The following TMEM117 variants were observed in gnomAD, a reference collection of about 807,000 sequenced individuals.
TMEM117 encodes the protein transmembrane protein 117.
Under a neutral mutation model 52.4 loss-of-function variants are expected in TMEM117, and 27 were observed. The observed-to-expected ratio is 0.51, with a 90% CI of 0.38 to 0.71. TMEM117 has a LOEUF of 0.71. Ranked by LOEUF, TMEM117 falls within the 30% of genes least tolerant of loss-of-function variation. The pLI is 0.00. For synonymous variants in TMEM117, 215 were observed against 206.3 expected (o/e 1.04, Z -0.36); for missense variants, 556 against 630.5 (o/e 0.88, Z 1.26).
chr12:43,887,228 T>G (rs1449693745), intron 2 of TMEM117, among the ~76,000 whole-genome samples: 1 of 152,196 alleles, frequency 6.6e-6, no homozygotes, highest in African/African-American at 2.4e-5. Context: ...GCAGAAGTAC[T>G]GCCTGGGACA....
chr12:43,801,305 T>C, the TMEM117 span, among the ~76,000 whole-genome samples: 3 of 152,194 alleles, frequency 2.0e-5, no homozygotes, highest in Admixed American at 6.5e-5. Flanking sequence ...CTAGTATCTA[T>C]GGAAAGCTAC....
chr12:43,890,832 A>G (rs1043591227), intron 2 of TMEM117, among the ~76,000 whole-genome samples: 1 of 152,134 alleles, frequency 6.6e-6, no homozygotes, highest in African/African-American at 2.4e-5. Context: ...GCCCAGCCCC[A>G]AGGGATATTT....
chr12:44,201,826 A>G (rs1949499428), intron 4 of TMEM117, among the ~76,000 whole-genome samples: 1 of 152,190 alleles, frequency 6.6e-6, no homozygotes, highest in Admixed American at 6.5e-5. Context: ...GAAATACATA[A>G]CACCCAATTA....
intron 3 of TMEM117, among the ~76,000 whole-genome samples, chr12:44,092,562 A>C (rs1310533734): frequency 6.6e-6 from 1 of 152,034 alleles, no homozygotes; most frequent in Admixed American, 6.6e-5. Flanking sequence ...AAATAACAAC[A>C]CCTCTCGCCC....
chr12:44,266,567 G>A (rs1234026513), intron 5 of TMEM117, among the ~76,000 whole-genome samples: 2 of 151,984 alleles, frequency 1.3e-5, no homozygotes, highest in African/African-American at 4.8e-5. Context: ...CCTAGTTTGT[G>A]GCTTGCATTT....
At chr12:44,116,336 G>T (rs1269924194) in intron 3 of TMEM117, among the ~76,000 whole-genome samples, 1 of 151,850 alleles carries the variant, frequency 6.6e-6, no homozygotes, top group East Asian at 1.9e-4. Flanking sequence ...GGTTTCCCTG[G>T]GATTATGACC....
intron 6 of TMEM117, among the ~76,000 whole-genome samples, chr12:44,373,479 G>A (rs1165574397): frequency 1.3e-5 from 2 of 152,146 alleles, no homozygotes; most frequent in African/African-American, 4.8e-5. Flanking sequence ...TGACCCTCCT[G>A]GAAACATACC....
intron 2 of TMEM117, among the ~76,000 whole-genome samples, chr12:43,939,009 A>AT (rs1303123039): frequency 2.0e-5 from 3 of 152,062 alleles, no homozygotes; most frequent in African/African-American, 4.8e-5. Flanking sequence ...CAAAATAAAA[A>AT]AAAAAATAAA....
the TMEM117 span, among the ~76,000 whole-genome samples, chr12:43,809,153 A>G: frequency 6.6e-6 from 1 of 152,226 alleles, no homozygotes; most frequent in Non-Finnish European, 1.5e-5. Context: ...CATTAATGTG[A>G]GCAGTATACA....
intron 1 of TMEM117, among the ~76,000 whole-genome samples, chr12:43,838,537 G>GTTT (rs780135058): frequency 7.5e-5 from 7 of 93,338 alleles, no homozygotes; most frequent in Non-Finnish European, 1.5e-4. Context: ...GAGTCTTCCA[G>GTTT]TTTTTTTTTT....
At chr12:44,147,636 C>T (rs1948662414) in intron 4 of TMEM117, among the ~76,000 whole-genome samples, 1 of 151,856 alleles carries the variant, frequency 6.6e-6, no homozygotes, top group Non-Finnish European at 1.5e-5. Flanking sequence ...TGAGCCATGA[C>T]CTAAGAAGAC....
intron 3 of TMEM117, among the ~76,000 whole-genome samples, chr12:44,026,546 G>A (rs1946535594): frequency 6.6e-6 from 1 of 152,042 alleles, no homozygotes. Context: ...AACACTGTAG[G>A]TTTTTTTGTA....
intron 3 of TMEM117, among the ~76,000 whole-genome samples, chr12:44,029,134 T>C (rs1186292727): frequency 6.6e-6 from 1 of 152,150 alleles, no homozygotes; most frequent in African/African-American, 2.4e-5. Context: ...GGTTAAAGGC[T>C]TCTCTCAATA....
At chr12:44,252,243 T>C (rs1950204989) in intron 5 of TMEM117, among the ~76,000 whole-genome samples, 1 of 152,156 alleles carries the variant, frequency 6.6e-6, no homozygotes, top group East Asian at 1.9e-4. Context: ...CAGTGGCTCA[T>C]ACCTGTAATC....
intron 3 of TMEM117, among the ~76,000 whole-genome samples, chr12:43,947,094 G>A (rs748202528): frequency 1.4e-4 from 22 of 152,176 alleles, no homozygotes; most frequent in Non-Finnish European, 2.4e-4. Context: ...AGTGCTTTGG[G>A]AGGCTGAGGC....
At chr12:44,234,688 C>T (rs1949973211) in intron 5 of TMEM117, among the ~76,000 whole-genome samples, 1 of 151,328 alleles carries the variant, frequency 6.6e-6, no homozygotes, top group Admixed American at 6.6e-5. Flanking sequence ...AATTACTTCA[C>T]AGGCATACTT....
chr12:43,875,883 G>T (rs2137437754), intron 2 of TMEM117, among the ~76,000 whole-genome samples: 1 of 152,088 alleles, frequency 6.6e-6, no homozygotes, highest in Non-Finnish European at 1.5e-5. Flanking sequence ...GGGATGATAT[G>T]AGTCCACAAG....
intron 4 of TMEM117, among the ~76,000 whole-genome samples, chr12:44,155,691 T>TTGAACCAGAGATC (rs1160745848): frequency 6.6e-6 from 1 of 152,100 alleles, no homozygotes; most frequent in Non-Finnish European, 1.5e-5. Context: ...GGCAGCTGCG[T>TTGAACCAGAGATC]TGAACCAGAG....
At chr12:44,072,865 G>T (rs1947323312) in intron 3 of TMEM117, among the ~76,000 whole-genome samples, 1 of 152,156 alleles carries the variant, frequency 6.6e-6, no homozygotes, top group Non-Finnish European at 1.5e-5. Context: ...GCCGAGGTGG[G>T]CGGATCATGA....
Sources: gnomAD v4.1 joint callset for allele counts (sites outside exome capture counted in the v4.1 genomes callset) on GRCh38, gnomAD v4.1.1 for gene constraint, MANE v1.5 for transcripts, NCBI Gene and HGNC (gene_info 2026-07-23, HGNC 2026-07-21) for gene names.